RAB38: variants seen among roughly 807,000 people sequenced by gnomAD.
The protein encoded by RAB38 is RAB38, member RAS oncogene family.
Under a neutral mutation model 18.4 loss-of-function variants are expected in RAB38, and 15 were observed. The ratio of observed to expected loss-of-function variants is 0.82; its 90% CI spans 0.55 to 1.26. The LOEUF (loss-of-function observed/expected upper bound fraction) is 1.26, where lower values mean the gene tolerates loss of function less well. RAB38 is among the 50% of genes most tolerant of loss of function. The probability of loss-of-function intolerance (pLI) is 0.00; values close to 1 mark genes in which losing one functional copy is unlikely to be tolerated. For missense variants in RAB38, 294 were observed against 267.4 expected, an observed-to-expected ratio of 1.10 and a Z score of -0.69; for synonymous variants, 101 against 104.4, an observed-to-expected ratio of 0.97 and a Z score of 0.20.
the RAB38 span, among the ~76,000 whole-genome samples, chr11:87,976,989 C>T: frequency 2.7e-3 from 2 of 740 alleles, no homozygotes; most frequent in Non-Finnish European, 5.0e-3. Flanking sequence ...AATATAATTA[C>T]ATTATACAAG....
the RAB38 span, among the ~76,000 whole-genome samples, chr11:87,867,689 T>C: frequency 1.3e-5 from 2 of 151,748 alleles, no homozygotes; most frequent in Non-Finnish European, 3.0e-5. Context: ...CTGCATTTTA[T>C]GACTATGAAC....
At chr11:88,024,083 G>C in the RAB38 span, among the ~76,000 whole-genome samples, 3 of 151,830 alleles carry the variant, frequency 2.0e-5, no homozygotes, top group Non-Finnish European at 4.4e-5. Flanking sequence ...CATAGTGAAG[G>C]AAACACTCAA....
At chr11:87,956,727 A>G in the RAB38 span, among the ~76,000 whole-genome samples, 31 of 152,250 alleles carry the variant, frequency 2.0e-4, no homozygotes, top group African/African-American at 7.2e-4. Context: ...GCATAGTTAT[A>G]AAACATTTTT....
At chr11:88,028,293 A>G in the RAB38 span, among the ~76,000 whole-genome samples, 1 of 152,224 alleles carries the variant, frequency 6.6e-6, no homozygotes, top group Non-Finnish European at 1.5e-5. Context: ...ACAGAACAGA[A>G]AAACTGGAAA....
At chr11:87,857,793 T>A in the RAB38 span, among the ~76,000 whole-genome samples, 1 of 152,094 alleles carries the variant, frequency 6.6e-6, no homozygotes, top group African/African-American at 2.4e-5. Flanking sequence ...ATTGCAAAAA[T>A]TTTCTCCCAT....
At chr11:87,977,777 A>G in the RAB38 span, among the ~76,000 whole-genome samples, 3 of 112,408 alleles carry the variant, frequency 2.7e-5, no homozygotes, top group African/African-American at 3.5e-5. Flanking sequence ...ATAGTTATAT[A>G]TTATATCATA....
the RAB38 span, among the ~76,000 whole-genome samples, chr11:88,019,407 C>T: frequency 6.6e-6 from 1 of 152,160 alleles, no homozygotes; most frequent in Non-Finnish European, 1.5e-5. Flanking sequence ...ACCATTTCTG[C>T]TACCACCACA....
At chr11:87,871,565 TATAAAA>T in the RAB38 span, among the ~76,000 whole-genome samples, 3 of 151,544 alleles carry the variant, frequency 2.0e-5, no homozygotes, top group African/African-American at 7.3e-5. Flanking sequence ...AGTATAATTT[TATAAAA>T]ATATAAATAT....
At chr11:88,129,700 T>C (rs930189343) in intron 2 of RAB38, among the ~76,000 whole-genome samples, 2 of 152,128 alleles carry the variant, frequency 1.3e-5, no homozygotes, top group African/African-American at 4.8e-5. Flanking sequence ...GCCAATTCTA[T>C]AGACTGACAT....
chr11:87,966,939 T>C, the RAB38 span, among the ~76,000 whole-genome samples: 7 of 152,180 alleles, frequency 4.6e-5, no homozygotes, highest in Non-Finnish European at 2.9e-5. Context: ...AGCTTCTAAG[T>C]TCCCAAAGGA....
the RAB38 span, among the ~76,000 whole-genome samples, chr11:88,011,811 A>C: frequency 9.2e-5 from 14 of 152,176 alleles, no homozygotes; most frequent in African/African-American, 3.4e-4. Context: ...TCCAAGTCAG[A>C]CAGTAGGTAA....
intron 1 of RAB38, among the ~76,000 whole-genome samples, chr11:88,169,284 T>G (rs1167724940): frequency 6.6e-6 from 1 of 152,210 alleles, no homozygotes; most frequent in African/African-American, 2.4e-5. Context: ...GACTTACAAA[T>G]AGCATCATTT....
At chr11:87,902,487 C>T in the RAB38 span, among the ~76,000 whole-genome samples, 90 of 151,436 alleles carry the variant, frequency 5.9e-4, no homozygotes, top group African/African-American at 2.0e-3. Context: ...CTGTTTTGGT[C>T]ATTCCAGGTT....
At chr11:87,963,653 T>G in the RAB38 span, among the ~76,000 whole-genome samples, 2 of 123,106 alleles carry the variant, frequency 1.6e-5, no homozygotes, top group African/African-American at 6.2e-5. Context: ...CTTTTTTTCT[T>G]TTTTTTTTTT....
At chr11:87,816,591 G>T in the RAB38 span, 1 of 151,892 alleles carries the variant, frequency 6.6e-6, no homozygotes, top group African/African-American at 2.4e-5. Context: ...TCTCCTCATT[G>T]TTATATGCTA....
the RAB38 span, among the ~76,000 whole-genome samples, chr11:88,106,777 C>G: frequency 4.6e-5 from 7 of 152,084 alleles, no homozygotes; most frequent in African/African-American, 1.4e-4. Flanking sequence ...CATTTCTGAC[C>G]GTTTTTATTA....
chr11:87,852,783 T>C, the RAB38 span, among the ~76,000 whole-genome samples: 1 of 152,100 alleles, frequency 6.6e-6, no homozygotes, highest in African/African-American at 2.4e-5. Context: ...CAGAACACAA[T>C]CTTGCTTTGC....
At chr11:87,835,273 C>A in the RAB38 span, among the ~76,000 whole-genome samples, 5 of 152,090 alleles carry the variant, frequency 3.3e-5, no homozygotes, top group Non-Finnish European at 7.3e-5. Flanking sequence ...CTGCCACCAA[C>A]TGGAACTAGG....
the RAB38 span, among the ~76,000 whole-genome samples, chr11:88,091,323 T>C: frequency 1.3e-5 from 2 of 152,044 alleles, no homozygotes; most frequent in South Asian, 2.1e-4. Flanking sequence ...AGTGACCTGA[T>C]AGCCTACTGG....
Sources: gnomAD v4.1 joint callset for allele counts (sites outside exome capture counted in the v4.1 genomes callset) on GRCh38, gnomAD v4.1.1 for gene constraint, MANE v1.5 for transcripts, NCBI Gene and HGNC (gene_info 2026-07-23, HGNC 2026-07-21) for gene names.